Variants in LINGO2 observed in about 807,000 individuals in gnomAD.
LINGO2 encodes the protein leucine-rich repeat and immunoglobulin-like domain-containing nogo receptor-interacting protein 2.
Under a neutral mutation model 30.6 loss-of-function variants are expected in LINGO2, and 14 were observed. The observed-to-expected ratio is 0.46, with a 90% CI of 0.30 to 0.72. The LOEUF (loss-of-function observed/expected upper bound fraction) is 0.72, where lower values mean the gene tolerates loss of function less well. LINGO2 is among the 30% of genes least tolerant of loss of function. The pLI is 0.07. For synonymous variants in LINGO2, 317 were observed against 288.5 expected (o/e 1.10, Z -1.00); for missense variants, 729 against 751.7 (o/e 0.97, Z 0.35).
At chr9:29,165,830 A>C in the LINGO2 span, among the ~76,000 whole-genome samples, 1 of 152,116 alleles carries the variant, frequency 6.6e-6, no homozygotes, top group East Asian at 1.9e-4. Flanking sequence ...ATGTAATGGG[A>C]GATGTCCTTT....
At chr9:28,713,105 C>G in the LINGO2 span, among the ~76,000 whole-genome samples, 1 of 152,072 alleles carries the variant, frequency 6.6e-6, no homozygotes, top group Non-Finnish European at 1.5e-5. Context: ...ACCTCGTGAT[C>G]AACCCGCCTC....
At chr9:29,003,973 A>T in the LINGO2 span, among the ~76,000 whole-genome samples, 1 of 152,014 alleles carries the variant, frequency 6.6e-6, no homozygotes, top group Non-Finnish European at 1.5e-5. Flanking sequence ...AATTGACTCT[A>T]TTCCAATCTA....
intron 4 of LINGO2, among the ~76,000 whole-genome samples, chr9:28,186,256 G>T (rs1819538216): frequency 6.6e-6 from 1 of 152,126 alleles, no homozygotes; most frequent in East Asian, 1.9e-4. Context: ...GGCTCATATT[G>T]CATGTAGGAA....
At chr9:29,150,678 C>T in the LINGO2 span, among the ~76,000 whole-genome samples, 1 of 152,078 alleles carries the variant, frequency 6.6e-6, no homozygotes, top group African/African-American at 2.4e-5. Context: ...TCTCAGAGCT[C>T]GAAGACCAGT....
At chr9:28,978,203 T>G in the LINGO2 span, among the ~76,000 whole-genome samples, 11 of 152,166 alleles carry the variant, frequency 7.2e-5, no homozygotes, top group Admixed American at 3.9e-4. Flanking sequence ...AAATATTGGA[T>G]GTACTGGATT....
chr9:28,088,766 G>T (rs1825987674), intron 4 of LINGO2, among the ~76,000 whole-genome samples: 1 of 152,068 alleles, frequency 6.6e-6, no homozygotes, highest in Non-Finnish European at 1.5e-5. Context: ...GACACAGACT[G>T]ACAAACTGGA....
intron 4 of LINGO2, among the ~76,000 whole-genome samples, chr9:28,262,799 C>T (rs953340033): frequency 6.6e-6 from 1 of 151,860 alleles, no homozygotes; most frequent in Non-Finnish European, 1.5e-5. Context: ...TTCTCTATTT[C>T]TTTAGAACAC....
chr9:28,834,662 C>A, the LINGO2 span, among the ~76,000 whole-genome samples: 1 of 152,172 alleles, frequency 6.6e-6, no homozygotes, highest in Non-Finnish European at 1.5e-5. Flanking sequence ...CTCCTGCCTT[C>A]CACACTGACC....
intron 1 of LINGO2, among the ~76,000 whole-genome samples, chr9:28,605,483 T>A (rs946049107): frequency 4.6e-5 from 7 of 152,024 alleles, no homozygotes; most frequent in African/African-American, 1.7e-4. Context: ...TGACAGACTT[T>A]ATTTTCTTCA....
At chr9:28,779,053 A>G in the LINGO2 span, among the ~76,000 whole-genome samples, 2 of 152,206 alleles carry the variant, frequency 1.3e-5, no homozygotes, top group Admixed American at 1.3e-4. Flanking sequence ...TACTATTTTT[A>G]TAATATGCTT....
At chr9:27,996,200 T>A (rs1353869279) in intron 5 of LINGO2, among the ~76,000 whole-genome samples, 2 of 152,132 alleles carry the variant, frequency 1.3e-5, no homozygotes, top group African/African-American at 4.8e-5. Context: ...AAATGCAAAT[T>A]AGTGTAGCTA....
the LINGO2 span, among the ~76,000 whole-genome samples, chr9:29,021,605 G>A: frequency 8.6e-5 from 13 of 151,372 alleles, no homozygotes; most frequent in African/African-American, 2.2e-4. Context: ...TGCAGTGAGC[G>A]GAAATCGCTC....
At chr9:28,913,746 A>G in the LINGO2 span, among the ~76,000 whole-genome samples, 2 of 152,116 alleles carry the variant, frequency 1.3e-5, no homozygotes, top group African/African-American at 2.4e-5. Flanking sequence ...TGCTTATTAC[A>G]TATTCACTAC....
chr9:28,216,174 T>G (rs13301475), intron 4 of LINGO2, among the ~76,000 whole-genome samples: 2 of 151,972 alleles, frequency 1.3e-5, no homozygotes, highest in South Asian at 4.1e-4. Context: ...GCCAACATTA[T>G]TTTAGAATGA....
chr9:28,539,479 C>A lies in LINGO2; in HGVS notation c.-364-63454G>T, dbSNP rs549542482. On this transcript the variant is annotated intron_variant, in intron 1 of 5. Coordinates refer to ENST00000379992, the Ensembl canonical transcript of LINGO2. ...TGTTTACAAGGTATGTGTGCACACA[C>A]ACACATGAAATTTTAGCAAAATAAA... 1.1e-4 allele frequency among the ~76,000 whole-genome samples: 16 copies of A among 151,886 alleles called. No homozygotes were observed. The South Asian group carries it at 3.3e-3, about 32-fold the overall frequency.
At chr9:28,721,952 A>G in the LINGO2 span, among the ~76,000 whole-genome samples, 12 of 152,118 alleles carry the variant, frequency 7.9e-5, no homozygotes, top group Admixed American at 7.9e-4. Flanking sequence ...ATGCCTTTCA[A>G]AGAACATTGT....
intron 1 of LINGO2, among the ~76,000 whole-genome samples, chr9:28,594,590 G>GTCTTGT (rs1239165924): frequency 6.6e-6 from 1 of 152,050 alleles, no homozygotes; most frequent in African/African-American, 2.4e-5. Flanking sequence ...CTAAAGTGAA[G>GTCTTGT]TCTTGTTTAC....
intron 3 of LINGO2, among the ~76,000 whole-genome samples, chr9:28,350,477 C>A (rs1193798827): frequency 1.3e-5 from 2 of 149,326 alleles, no homozygotes; most frequent in Non-Finnish European, 3.0e-5. Context: ...GCACCCAATA[C>A]AGGAGCACCA....
intron 4 of LINGO2, among the ~76,000 whole-genome samples, chr9:28,086,365 T>G (rs1423766273): frequency 1.3e-5 from 2 of 152,042 alleles, no homozygotes; most frequent in Non-Finnish European, 2.9e-5. Context: ...TGTTCTCCAT[T>G]CAAAGCCGCA....
Sources: gnomAD v4.1 joint callset for allele counts (sites outside exome capture counted in the v4.1 genomes callset) on GRCh38, gnomAD v4.1.1 for gene constraint, MANE v1.5 for transcripts, NCBI Gene and HGNC (gene_info 2026-07-23, HGNC 2026-07-21) for gene names.